Variants in BDP1 observed in about 807,000 individuals in gnomAD.
The protein encoded by BDP1 is BDP1 general transcription factor IIIB subunit, also known as transcription factor TFIIIB component B'' homolog.
A neutral mutation model predicts 266.6 loss-of-function variants in BDP1; 169 were observed. The observed-to-expected ratio is 0.63, with a 90% CI of 0.56 to 0.72. BDP1 has a LOEUF of 0.72. Among genes scored for constraint, BDP1 ranks in the 30% least tolerant of loss-of-function variants. BDP1 has a pLI of 0.00. For synonymous variants in BDP1, 1,090 were observed against 1,022.4 expected (o/e 1.07, Z -1.26); for missense variants, 3,015 against 3,053.8 (o/e 0.99, Z 0.30).
chr5:71,560,037 T>A lies in BDP1; in HGVS notation c.7296T>A (p.Thr2432=). 6.2e-7 allele frequency: 1 copy of A among 1,613,956 alleles called. No individual in the cohort carries two copies. Among genetic ancestry groups the A allele is most frequent in the Non-Finnish European group, 8.5e-7 (1 of 1,179,996 alleles). ...IFLTSGSTLT[T]PEPQRQQVEA... is the part of the protein sequence containing the mutation. ...TTACCTCAGGAAGCACACTGACAAC[T>A]CCAGAACCTCAAAGACAGCAAGTTG... Residue 2432 remains threonine, a synonymous_variant, in exon 37 of 39, where the codon ACT becomes ACA. Transcript: ENST00000358731.
At chr5:71,496,383 A>G (rs1162257746) in intron 12 of BDP1, among the ~76,000 whole-genome samples, 1 of 152,152 alleles carries the variant, frequency 6.6e-6, no homozygotes, top group Non-Finnish European at 1.5e-5. Context: ...GAAAAGTATA[A>G]AAAGGTATGA....
downstream of BDP1, among the ~76,000 whole-genome samples, chr5:71,572,277 C>T (rs1353270243): frequency 1.3e-5 from 2 of 152,206 alleles, no homozygotes; most frequent in Non-Finnish European, 2.9e-5. Context: ...TCTTTTGTCT[C>T]TTGTCTTTAT....
chr5:71,470,550 G>T, intron 7 of BDP1, 61 bp downstream of exon 7: 1 of 1,036,634 alleles, frequency 9.6e-7, no homozygotes, highest in Non-Finnish European at 1.5e-6. Flanking sequence ...AATGTTAGTA[G>T]TATTATTCGC....
At position 71,515,267 on chromosome 5, in the gene BDP1, A is replaced by G. The variant is rs796321183; in HGVS notation, c.4649+145A>G. ...TTTTATTGATACAGCAGACTGCCTA[A>G]AATATAATATCAGATTGAATTCAAC... is the stretch of plus-strand genomic sequence containing the variant. On this transcript the variant is annotated intron_variant, in intron 20 of 38. Coordinates refer to ENST00000358731, the MANE Select transcript of BDP1 (RefSeq NM_018429.3). The G allele has an allele frequency of 1.4e-4, 89 of 653,478 alleles. 1 individual carries two copies. In the African/African-American group the frequency reaches 1.6e-3, roughly 12 times the overall value. The allele number at this position is 653,478 out of a possible 1,614,324, so 40.5% of individuals were successfully genotyped here.
intron 20 of BDP1, among the ~76,000 whole-genome samples, chr5:71,515,559 A>C (rs1765173312): frequency 6.6e-6 from 1 of 152,170 alleles, no homozygotes; most frequent in Non-Finnish European, 1.5e-5. Context: ...TTCTGGTCCT[A>C]AGCATTTTGG....
intron 22 of BDP1, 29 bp downstream of exon 22, chr5:71,517,481 A>T (rs752199602): frequency 6.5e-7 from 1 of 1,535,164 alleles, no homozygotes; most frequent in South Asian, 1.3e-5. Flanking sequence ...AGAAAAAATA[A>T]GACTTTTCAA....
At chr5:71,527,842 G>A (rs969591898) in intron 25 of BDP1, among the ~76,000 whole-genome samples, 7 of 149,020 alleles carry the variant, frequency 4.7e-5, no homozygotes, top group Non-Finnish European at 1.0e-4. Flanking sequence ...TTTTGAGATG[G>A]AGTCTCTGTT....
At chr5:71,467,965 A>G (rs1762002886) in intron 6 of BDP1, among the ~76,000 whole-genome samples, 1 of 152,166 alleles carries the variant, frequency 6.6e-6, no homozygotes, top group Admixed American at 6.5e-5. Flanking sequence ...TCAGCCTCCC[A>G]GAGTAGCTGG....
At position 71,458,578 on chromosome 5, in the gene BDP1, G is replaced by T. The variant is rs1761340233; in HGVS notation, c.213-1G>T. The T allele has an allele frequency of 1.2e-6, 2 of 1,603,834 alleles. No homozygotes were observed. Among genetic ancestry groups the T allele is most frequent in the Non-Finnish European group, 1.7e-6 (2 of 1,175,314 alleles). On this transcript the variant is annotated splice_acceptor_variant, in intron 1 of 38. Coordinates refer to ENST00000358731, the MANE Select transcript of BDP1 (RefSeq NM_018429.3). LOFTEE classifies it high-confidence loss of function. The stretch of plus-strand genomic sequence containing the variant: ...TCTTTTTTCTTTTTTAATTTCAACA[G>T]TACTGAAAAGACTGGTGGTGACAAT...
intron 9 of BDP1, among the ~76,000 whole-genome samples, chr5:71,489,084 A>G (rs980705494): frequency 3.9e-5 from 6 of 152,222 alleles, no homozygotes; most frequent in Admixed American, 3.9e-4. Flanking sequence ...GTGTAAGTCA[A>G]GGAGCATCTC....
chr5:71,496,357 A>G (rs1390322446), intron 12 of BDP1, among the ~76,000 whole-genome samples: 1 of 152,008 alleles, frequency 6.6e-6, no homozygotes, highest in East Asian at 1.9e-4. Flanking sequence ...CAATACATTC[A>G]TAGGGTTCAA....
chr5:71,567,833 C>G (rs895228558), downstream of BDP1: 1 of 151,914 alleles, frequency 6.6e-6, no homozygotes, highest in Non-Finnish European at 1.5e-5. Flanking sequence ...TCTGTTGTGT[C>G]CTTTTAAGAT....
At position 71,567,565 on chromosome 5, in the gene BDP1, A is replaced by G. The variant is rs1744105935; in HGVS notation, c.*2680A>G. On this transcript the variant is annotated 3_prime_UTR_variant, in exon 39 of 39. Coordinates refer to ENST00000358731, the MANE Select transcript of BDP1 (RefSeq NM_018429.3). ...ATCTTTTCTTGACTTTTTCTCCTGA[A>G]CACTTATGTCTTAGCAAGTGGTCAA... 1 of 152,634 alleles carries G rather than the reference A, an allele frequency of 6.6e-6. No individual in the cohort carries two copies. Among genetic ancestry groups the G allele is most frequent in the Non-Finnish European group, 1.5e-5 (1 of 68,032 alleles). The allele number at this position is 152,634 out of a possible 1,614,324, so 9.5% of individuals were successfully genotyped here. A position where few individuals can be genotyped will look rare whatever the true frequency, so the allele number is the denominator to read the frequency against.
At position 71,465,893 on chromosome 5, in the gene BDP1, A is replaced by G. The variant is rs1761878129; in HGVS notation, c.660-203A>G. On this transcript the variant is annotated intron_variant, in intron 4 of 38. Transcript: ENST00000358731. ...GAAACTCCATCTAAAAAAAAAAATAAGACTTCTTACTAAATGTCTCGAGAT... is the reference window on the plus strand; with the variant it reads ...GAAACTCCATCTAAAAAAAAAAATAGGACTTCTTACTAAATGTCTCGAGAT... 2.6e-5 allele frequency among the ~76,000 whole-genome samples: 4 copies of G among 152,164 alleles called. No homozygotes were observed. In the South Asian group the frequency reaches 8.3e-4, roughly 31 times the overall value.
intron 18 of BDP1, among the ~76,000 whole-genome samples, chr5:71,512,867 C>CTAT (rs1765004958): frequency 6.6e-6 from 1 of 151,682 alleles, no homozygotes; most frequent in Non-Finnish European, 1.5e-5. Context: ...CCAGCCTGGG[C>CTAT]AACACGCTGT....
downstream of BDP1, among the ~76,000 whole-genome samples, chr5:71,572,763 C>T (rs555460569): frequency 2.2e-4 from 33 of 152,204 alleles, no homozygotes; most frequent in South Asian, 2.5e-3. Context: ...AGCAGGAGAA[C>T]GATTAAAACA....
chr5:71,574,124 T>C, the BDP1 span, among the ~76,000 whole-genome samples: 1 of 152,214 alleles, frequency 6.6e-6, no homozygotes, highest in African/African-American at 2.4e-5. Flanking sequence ...ATGGCTAATT[T>C]AGCTGTTGAC....
chr5:71,577,936 A>G, the BDP1 span, among the ~76,000 whole-genome samples: 1 of 152,216 alleles, frequency 6.6e-6, no homozygotes, highest in Non-Finnish European at 1.5e-5. Context: ...GGAGCCAAAA[A>G]GGCCAAAGGG....
intron 34 of BDP1, among the ~76,000 whole-genome samples, chr5:71,552,184 G>T (rs1264397203): frequency 4.0e-5 from 6 of 149,720 alleles, no homozygotes; most frequent in African/African-American, 9.8e-5. Context: ...CCCAGACAGG[G>T]TCGCGGCCGG....
Sources: allele counts gnomAD v4.1 joint callset (sites outside exome capture counted in the v4.1 genomes callset), GRCh38; gene constraint gnomAD v4.1.1; transcripts MANE v1.5; gene names NCBI Gene and HGNC (gene_info 2026-07-23, HGNC 2026-07-21).